The following COBL variants were observed in gnomAD, a reference collection of about 807,000 sequenced individuals.
The protein encoded by COBL is cordon-bleu WH2 repeat protein, also known as protein cordon-bleu.
A neutral mutation model predicts 98.8 loss-of-function variants in COBL; 51 were observed. The ratio of observed to expected loss-of-function variants is 0.52; its 90% confidence interval spans 0.41 to 0.65. The LOEUF is 0.65. COBL is among the 30% of genes least tolerant of loss of function. The pLI, the probability that COBL is intolerant of heterozygous loss-of-function variation, is 0.00. For missense variants in COBL, 1,617 were observed against 1,617.5 expected, an observed-to-expected ratio of 1.00 and a Z score of 0.01; for synonymous variants, 634 against 651.7, an observed-to-expected ratio of 0.97 and a Z score of 0.41.
chr7:51,207,233 G>A (rs537279964), intron 2 of COBL, among the ~76,000 whole-genome samples: 40 of 150,566 alleles, frequency 2.7e-4, no homozygotes, highest in African/African-American at 8.8e-4. Context: ...TTGGTACAGC[G>A]GACATTTTTT....
At chr7:51,192,451 C>T (rs1257992818) in intron 3 of COBL, among the ~76,000 whole-genome samples, 7 of 152,002 alleles carry the variant, frequency 4.6e-5, no homozygotes, top group African/African-American at 1.7e-4. Flanking sequence ...CTACTAAATA[C>T]ACAAATTAGC....
At chr7:51,060,931 C>T (rs143075212) in intron 7 of COBL, among the ~76,000 whole-genome samples, 3 of 152,202 alleles carry the variant, frequency 2.0e-5, no homozygotes, top group African/African-American at 7.2e-5. Context: ...AGGTAAGGAA[C>T]AGTATGGGAT....
chr7:51,206,537 A>G (rs550346370), intron 2 of COBL, among the ~76,000 whole-genome samples: 1 of 151,754 alleles, frequency 6.6e-6, no homozygotes, highest in East Asian at 1.9e-4. Flanking sequence ...TTTTTAAGAG[A>G]TATCTGCACT....
At chr7:51,135,567 C>G (rs1482589077) in intron 6 of COBL, among the ~76,000 whole-genome samples, 1 of 152,126 alleles carries the variant, frequency 6.6e-6, no homozygotes, top group African/African-American at 2.4e-5. Context: ...TATCAAGATC[C>G]AGGGACCAAG....
intron 7 of COBL, among the ~76,000 whole-genome samples, chr7:51,052,982 C>T (rs989626280): frequency 6.6e-6 from 1 of 152,152 alleles, no homozygotes; most frequent in Admixed American, 6.5e-5. Context: ...ATCCCTTTGG[C>T]CTTGTTTCCC....
At chr7:51,259,986 C>T (rs983671927) in intron 1 of COBL, 24 of 753,916 alleles carry the variant, frequency 3.2e-5, no homozygotes, top group Admixed American at 1.1e-4. Context: ...CACGTTTCTG[C>T]CACCAGGAAT....
chr7:51,050,314 A>T (rs1316619601), intron 7 of COBL, among the ~76,000 whole-genome samples: 1 of 152,218 alleles, frequency 6.6e-6, no homozygotes, highest in Non-Finnish European at 1.5e-5. Flanking sequence ...CGTGCCTATT[A>T]GAGTCCCTGG....
chr7:51,201,276 A>G (rs1300747684), intron 2 of COBL, among the ~76,000 whole-genome samples: 1 of 151,784 alleles, frequency 6.6e-6, no homozygotes, highest in East Asian at 1.9e-4. Flanking sequence ...AATGAAAGAA[A>G]AGAAAGGAGA....
chr7:51,023,254 T>C (rs1237061006), intron 12 of COBL, among the ~76,000 whole-genome samples: 1 of 152,140 alleles, frequency 6.6e-6, no homozygotes, highest in Non-Finnish European at 1.5e-5. Context: ...CATCAACACA[T>C]AAATTCCACA....
At position 51,098,220 on chromosome 7, in the gene COBL, G is replaced by GTTTTTTTTTTTTTTT. The variant is rs1276606651; in HGVS notation, c.958-12917_958-12916insAAAAAAAAAAAAAAA. Among the ~76,000 whole-genome samples the GTTTTTTTTTTTTTTT allele has an allele frequency of 1.1e-3, 55 of 52,302 alleles. 4 individuals are homozygous for GTTTTTTTTTTTTTTT. Among genetic ancestry groups the GTTTTTTTTTTTTTTT allele is most frequent in the African/African-American group, 6.0e-3 (54 of 9,006 alleles). The allele number at this position is 52,302 out of a possible 152,430, so 34.3% of individuals were successfully genotyped here. On this transcript the variant is annotated intron_variant, in intron 6 of 12. Coordinates refer to ENST00000265136, the MANE Select transcript of COBL (RefSeq NM_015198.5). The stretch of plus-strand genomic sequence containing the variant: ...AATCACTACCAAAATCCCAATAGCA[G>GTTTTTTTTTTTTTTT]TTTCTTTTTTTTTTTTGGAGAAATA...
At chr7:51,134,043 G>C (rs1227383673) in intron 6 of COBL, among the ~76,000 whole-genome samples, 3 of 152,082 alleles carry the variant, frequency 2.0e-5, no homozygotes, top group African/African-American at 7.2e-5. Flanking sequence ...TCCTTGTTCA[G>C]GACACTGGTG....
At chr7:51,060,018 G>A (rs1791168164) in intron 7 of COBL, among the ~76,000 whole-genome samples, 1 of 152,010 alleles carries the variant, frequency 6.6e-6, no homozygotes. Context: ...TTCATCATGG[G>A]TCCTGCCGTA....
At chr7:51,271,137 T>C (rs1162706966) in intron 1 of COBL, among the ~76,000 whole-genome samples, 2 of 152,190 alleles carry the variant, frequency 1.3e-5, no homozygotes, top group Non-Finnish European at 2.9e-5. Flanking sequence ...CCAGCCTCAG[T>C]GCGTGTCACC....
chr7:51,085,735 T>C (rs1425355879), intron 6 of COBL, among the ~76,000 whole-genome samples: 6 of 152,168 alleles, frequency 3.9e-5, no homozygotes, highest in African/African-American at 1.4e-4. Context: ...GAAGAGCTGA[T>C]GGGGGCAGCT....
chr7:51,209,146 C>T (rs891780554), intron 2 of COBL, among the ~76,000 whole-genome samples: 4 of 151,498 alleles, frequency 2.6e-5, no homozygotes, highest in African/African-American at 7.3e-5. Context: ...GCATGAGCTG[C>T]AGGGCCCTAA....
chr7:51,237,538 T>TAAAAAA (rs5884200), intron 1 of COBL, among the ~76,000 whole-genome samples: 4 of 132,756 alleles, frequency 3.0e-5, no homozygotes, highest in Non-Finnish European at 4.7e-5. Flanking sequence ...TTTTTTTTCT[T>TAAAAAA]AAAAAAAAAA....
rs1790051406 is a variant in COBL, at chr7:51,190,924, C to A, written c.611G>T (p.Gly204Val). 2 of 1,614,170 alleles carry A rather than the reference C, an allele frequency of 1.2e-6. No individual in the cohort carries two copies. Among genetic ancestry groups the A allele is most frequent in the Non-Finnish European group, 1.7e-6 (2 of 1,180,034 alleles). The change falls in exon 4 of 13, where the codon GGA becomes GTA. Residue 204 changes from glycine (G) to valine (V), a missense_variant. Physicochemically the swap from Gly to Val is moderately radical, Grantham distance 109. Transcript: ENST00000265136. ...GGACTTGGACAGCTCCAGCTCCTCT[C>A]CGGCAATGTTGTCCCTGAGGAGAAC... is the stretch of plus-strand genomic sequence containing the variant. Reference protein sequence around the residue: ...HVVLLRDNIAGEELELSKSLN... With the variant: ...HVVLLRDNIAVEELELSKSLN...
chr7:51,037,041 C>G (rs1017415214), intron 8 of COBL, among the ~76,000 whole-genome samples: 1 of 152,176 alleles, frequency 6.6e-6, no homozygotes, highest in Non-Finnish European at 1.5e-5. Flanking sequence ...GTCTCCTCTA[C>G]TTCCCCATCC....
chr7:51,290,294 C>T (rs1351745199), intron 1 of COBL, among the ~76,000 whole-genome samples: 2 of 152,166 alleles, frequency 1.3e-5, no homozygotes, highest in Non-Finnish European at 2.9e-5. Flanking sequence ...ATCTAATTTG[C>T]ATTATTTTGA....
Sources: gnomAD v4.1 joint callset for allele counts (sites outside exome capture counted in the v4.1 genomes callset) on GRCh38, gnomAD v4.1.1 for gene constraint, MANE v1.5 for transcripts, NCBI Gene and HGNC (gene_info 2026-07-23, HGNC 2026-07-21) for gene names.